The following QTMAN variants were observed in gnomAD, a reference collection of about 807,000 sequenced individuals.
The protein encoded by QTMAN is queuosine-tRNA mannosyltransferase.
chr2:144,088,441 T>A, the QTMAN span, among the ~76,000 whole-genome samples: 2 of 152,042 alleles, frequency 1.3e-5, no homozygotes, highest in South Asian at 4.1e-4. Flanking sequence ...CAAATACCAA[T>A]GTCATTCTTC....
chr2:144,311,433 C>T, the QTMAN span, among the ~76,000 whole-genome samples: 1 of 152,128 alleles, frequency 6.6e-6, no homozygotes, highest in African/African-American at 2.4e-5. Context: ...ATAATGCACG[C>T]TATAGCTCAT....
At chr2:143,989,899 C>T in the QTMAN span, among the ~76,000 whole-genome samples, 1 of 152,102 alleles carries the variant, frequency 6.6e-6, no homozygotes, top group Admixed American at 6.5e-5. Flanking sequence ...CACTACCAGC[C>T]TGGTTCCTGG....
At chr2:144,249,617 C>A in the QTMAN span, among the ~76,000 whole-genome samples, 19 of 152,104 alleles carry the variant, frequency 1.2e-4, no homozygotes, top group Non-Finnish European at 2.6e-4. Flanking sequence ...TTTTATTCTT[C>A]AAATTGTTAA....
the QTMAN span, among the ~76,000 whole-genome samples, chr2:144,218,915 T>TAAAAAAAA: frequency 1.8e-5 from 1 of 54,602 alleles, no homozygotes; most frequent in Non-Finnish European, 4.1e-5. Flanking sequence ...GGAAAGTATC[T>TAAAAAAAA]AAAAAAAAAA....
At chr2:144,095,069 C>T in the QTMAN span, among the ~76,000 whole-genome samples, 1 of 152,178 alleles carries the variant, frequency 6.6e-6, no homozygotes, top group Non-Finnish European at 1.5e-5. Context: ...AAGTTAAACT[C>T]CTTTTTAAAA....
At chr2:144,091,122 G>A in the QTMAN span, among the ~76,000 whole-genome samples, 1 of 151,738 alleles carries the variant, frequency 6.6e-6, no homozygotes, top group Non-Finnish European at 1.5e-5. Flanking sequence ...ATATAGTTTT[G>A]TTCCAACATA....
the QTMAN span, among the ~76,000 whole-genome samples, chr2:144,018,962 T>C: frequency 6.6e-6 from 1 of 152,134 alleles, no homozygotes; most frequent in African/African-American, 2.4e-5. Context: ...AGCTGGGATG[T>C]GCTAAGAGTA....
chr2:144,125,538 G>A, the QTMAN span, among the ~76,000 whole-genome samples: 1 of 152,080 alleles, frequency 6.6e-6, no homozygotes, highest in East Asian at 1.9e-4. Flanking sequence ...CAGCTGCCAT[G>A]CTTCACTCTA....
the QTMAN span, among the ~76,000 whole-genome samples, chr2:144,018,324 C>CTT: frequency 6.7e-6 from 1 of 149,794 alleles, no homozygotes; most frequent in African/African-American, 2.4e-5. Context: ...AACATAACCA[C>CTT]TTTTTTTTTT....
chr2:144,145,460 T>G, the QTMAN span: 3 of 664,212 alleles, frequency 4.5e-6, no homozygotes, highest in Non-Finnish European at 7.8e-6. Context: ...GCACCTACCT[T>G]ATGGTGTTTT....
the QTMAN span, among the ~76,000 whole-genome samples, chr2:144,171,211 C>T: frequency 6.6e-6 from 1 of 152,136 alleles, no homozygotes; most frequent in Non-Finnish European, 1.5e-5. Context: ...CTATTATTAT[C>T]ACGTCTGGCT....
At chr2:143,949,865 C>T in the QTMAN span, among the ~76,000 whole-genome samples, 2 of 151,336 alleles carry the variant, frequency 1.3e-5, no homozygotes, top group Admixed American at 1.3e-4. Context: ...AGCTTTAAAT[C>T]CTATAACAAC....
At chr2:144,162,834 AG>A in the QTMAN span, among the ~76,000 whole-genome samples, 1 of 152,180 alleles carries the variant, frequency 6.6e-6, no homozygotes, top group Non-Finnish European at 1.5e-5. Context: ...CAGCTGACTC[AG>A]GTAAGAATGG....
the QTMAN span, among the ~76,000 whole-genome samples, chr2:144,108,886 C>T: frequency 6.6e-6 from 1 of 152,118 alleles, no homozygotes; most frequent in African/African-American, 2.4e-5. Context: ...AGAAAAACTA[C>T]AAACCACTAC....
At chr2:143,961,668 A>AT in the QTMAN span, among the ~76,000 whole-genome samples, 5 of 152,086 alleles carry the variant, frequency 3.3e-5, no homozygotes, top group African/African-American at 1.2e-4. Context: ...TCCAGAACTC[A>AT]TTATCTTCAT....
the QTMAN span, among the ~76,000 whole-genome samples, chr2:144,110,253 A>G: frequency 6.6e-6 from 1 of 152,206 alleles, no homozygotes; most frequent in African/African-American, 2.4e-5. Flanking sequence ...GACATGGATG[A>G]AGCTGGAAAC....
chr2:143,993,572 A>G, the QTMAN span, among the ~76,000 whole-genome samples: 3 of 152,158 alleles, frequency 2.0e-5, no homozygotes, highest in East Asian at 5.8e-4. Context: ...ATGTGACTGG[A>G]GGCAGTGAAT....
chr2:144,308,576 TCAAAA>T, the QTMAN span, among the ~76,000 whole-genome samples: 1 of 152,056 alleles, frequency 6.6e-6, no homozygotes, highest in Non-Finnish European at 1.5e-5. Flanking sequence ...AAAAATTAAC[TCAAAA>T]CAAATCAGAG....
chr2:143,951,491 T>C, the QTMAN span, among the ~76,000 whole-genome samples: 1 of 151,522 alleles, frequency 6.6e-6, no homozygotes, highest in Admixed American at 6.6e-5. Context: ...TCATTTTTAT[T>C]AAACTGGACG....
Sources: gnomAD v4.1 joint callset for allele counts (sites outside exome capture counted in the v4.1 genomes callset) on GRCh38, gnomAD v4.1.1 for gene constraint, MANE v1.5 for transcripts, NCBI Gene and HGNC (gene_info 2026-07-23, HGNC 2026-07-21) for gene names.